The following BEND2 variants were observed in gnomAD, a reference collection of about 807,000 sequenced individuals.
BEND2 encodes the protein BEN domain containing 2.
In BEND2, 19 loss-of-function variants were observed where a neutral mutation model predicts 43.8. The observed-to-expected ratio is 0.43, with a 90% confidence interval of 0.30 to 0.64. The LOEUF is 0.64. Among genes scored for constraint, BEND2 ranks in the 30% least tolerant of loss-of-function variants. BEND2 has a pLI of 0.11. For missense variants in BEND2, 544 were observed against 574.0 expected, an observed-to-expected ratio of 0.95 and a Z score of 0.53; for synonymous variants, 226 against 210.1, an observed-to-expected ratio of 1.08 and a Z score of -0.66.
chrX:18,184,582 G>A (rs1468751702), intron 8 of BEND2, among the ~76,000 whole-genome samples: 1 of 112,176 alleles, frequency 8.9e-6, no homozygotes, highest in Non-Finnish European at 1.9e-5. Context: ...AAGAGCCACT[G>A]CATTACTGGA....
At chrX:18,214,393 T>C (rs948726901) in intron 2 of BEND2, among the ~76,000 whole-genome samples, 2 of 111,201 alleles carry the variant, frequency 1.8e-5, no homozygotes, top group African/African-American at 6.5e-5. Context: ...TGAAAGGGGG[T>C]GGATAGGATT....
At position 18,219,200 on chromosome X, in the gene BEND2, C is replaced by T. The variant is rs767087640; in HGVS notation, c.25+1526G>A. Among the ~76,000 whole-genome samples the T allele has an allele frequency of 7.1e-5, 8 of 112,414 alleles. No homozygotes were observed. In the East Asian group the frequency reaches 1.4e-3, roughly 20 times the overall value. ...GAGGCTCAAAAAGGCACCCAGCCCACGCCTCGCTTTAGAAAGCAAGGCGCA... is the reference window on the plus strand; with the variant it reads ...GAGGCTCAAAAAGGCACCCAGCCCATGCCTCGCTTTAGAAAGCAAGGCGCA... On this transcript the variant is annotated intron_variant, in intron 1 of 13. Coordinates refer to ENST00000380033, the MANE Select transcript of BEND2 (RefSeq NM_153346.5).
Position 18,174,202 on chromosome X carries a change from A to G in BEND2, c.1809T>C (p.Asp603=), listed in dbSNP as rs1361985271. 5.0e-6 allele frequency: 6 copies of G among 1,210,051 alleles called. No individual in the cohort carries two copies. In the South Asian group the frequency reaches 8.8e-5, roughly 18 times the overall value. Residue 603 remains aspartate (D), a synonymous_variant, in exon 12 of 14, where the codon GAT becomes GAC. Transcript: ENST00000380033. ...CATCTCTGCCCCTTTGGTCATTTCTATCTGCAGATGCCGATGCAACACGGT... is the reference window on the plus strand; with the variant it reads ...CATCTCTGCCCCTTTGGTCATTTCTGTCTGCAGATGCCGATGCAACACGGT... The part of the protein sequence containing the change: ...RTNRVASASA[D]RNDQRGRDGG...
intron 1 of BEND2, among the ~76,000 whole-genome samples, chrX:18,217,504 G>A (rs1301288212): frequency 1.8e-5 from 2 of 111,474 alleles, no homozygotes; most frequent in African/African-American, 6.5e-5. Flanking sequence ...TTTGAAAATG[G>A]TACTAAATTA....
At chrX:18,187,069 A>T (rs1356110972) in intron 8 of BEND2, among the ~76,000 whole-genome samples, 1 of 110,733 alleles carries the variant, frequency 9.0e-6, no homozygotes, top group East Asian at 2.8e-4. Flanking sequence ...GACAGGAAGG[A>T]AGGAAAGAAG....
chrX:18,220,046 G>C (rs1024015392), intron 1 of BEND2, among the ~76,000 whole-genome samples: 1 of 112,017 alleles, frequency 8.9e-6, no homozygotes, highest in Non-Finnish European at 1.9e-5. Flanking sequence ...GCTGAAAAAG[G>C]ATAAGCTCGT....
chrX:18,176,675 C>T (rs1181231574), intron 10 of BEND2, among the ~76,000 whole-genome samples: 4 of 109,318 alleles, frequency 3.7e-5, no homozygotes, highest in Non-Finnish European at 7.6e-5. Context: ...CAAGACCATG[C>T]GTCTGAAAAA....
At chrX:18,167,901 G>A (rs192913893) in intron 13 of BEND2, among the ~76,000 whole-genome samples, 22 of 112,324 alleles carry the variant, frequency 2.0e-4, no homozygotes, top group African/African-American at 6.5e-4. Context: ...TGACATTTTC[G>A]GCTGCATTAA....
At chrX:18,208,878 A>G (rs955289864) in intron 4 of BEND2, among the ~76,000 whole-genome samples, 1 of 111,627 alleles carries the variant, frequency 9.0e-6, no homozygotes, top group Non-Finnish European at 1.9e-5. Context: ...GGAGCAATGA[A>G]CACACCTAGT....
intron 13 of BEND2, chrX:18,170,796 A>G: frequency 2.7e-6 from 1 of 375,818 alleles, no homozygotes; most frequent in Non-Finnish European, 3.4e-6. Flanking sequence ...GCCATTCAAG[A>G]CAGAGCAATT....
At chrX:18,177,477 T>C in intron 10 of BEND2, 92 bp downstream of exon 10, 1 of 936,310 alleles carries the variant, frequency 1.1e-6, no homozygotes. Flanking sequence ...TTACACAGAC[T>C]TATTGTTATT....
intron 12 of BEND2, among the ~76,000 whole-genome samples, chrX:18,173,655 T>A (rs1924044103): frequency 1.8e-5 from 2 of 111,150 alleles, no homozygotes; most frequent in Non-Finnish European, 3.8e-5. Flanking sequence ...AGAGATGAGA[T>A]TCACGAATTC....
At position 18,180,589 on chromosome X, in the gene BEND2, T is replaced by C. The variant is rs770996707; in HGVS notation, c.1350A>G (p.Thr450=). 8.3e-7 allele frequency: 1 copy of C among 1,210,924 alleles called. No individual in the cohort carries two copies. The highest frequency in any genetic ancestry group is 1.1e-6 in the Non-Finnish European group (1 of 894,816). Residue 450 remains threonine (T), a synonymous_variant, in exon 9 of 14, where the codon ACA becomes ACG. Transcript: ENST00000380033. ...TGTCCAATAAAGTTGAGCGATTCAT[T>C]GTGTTGACGCTGTTTTCCGTGTTGG... ...VDTNTENSVN[T]MNRSTLLDSD...
chrX:18,177,470 C>T, intron 10 of BEND2, 99 bp downstream of exon 10: 4 of 891,919 alleles, frequency 4.5e-6, no homozygotes, highest in South Asian at 2.3e-5. Context: ...TTAAGATTTA[C>T]ACAGACTTAT....
chrX:18,200,502 C>CAAAAAAAAAAAAA (rs397895069), intron 6 of BEND2, among the ~76,000 whole-genome samples: 4 of 38,648 alleles, frequency 1.0e-4, no homozygotes, highest in Non-Finnish European at 4.8e-5. Flanking sequence ...GACTCTGTCT[C>CAAAAAAAAAAAAA]AAAAAAAAAA....
chrX:18,170,842 T>C (rs1474148534), intron 13 of BEND2, 159 bp downstream of exon 13: 5 of 974,484 alleles, frequency 5.1e-6, no homozygotes, highest in Non-Finnish European at 6.9e-6. Context: ...GAAATACAAT[T>C]CATGATCTTG....
rs923429002 is a variant in BEND2 at position 18,163,094 on chromosome X, T to A, written c.*1915A>T. 9 of 112,149 alleles carry A rather than the reference T, an allele frequency of 8.0e-5. No homozygotes were observed. Among genetic ancestry groups the A allele is most frequent in the African/African-American group, 2.9e-4 (9 of 30,855 alleles). 9.2% of individuals were successfully genotyped at this position (112,149 alleles called of 1,213,427 possible). ...TTGTGAAATTTTGAAGACACAATTTTGAAGACACAATTCCACTTTAACATA... is the reference window on the plus strand; with the variant it reads ...TTGTGAAATTTTGAAGACACAATTTAGAAGACACAATTCCACTTTAACATA... On this transcript the variant is annotated 3_prime_UTR_variant, in exon 14 of 14. Transcript: ENST00000380033.
intron 1 of BEND2, 48 bp from the exon 2 acceptor site, chrX:18,216,781 AAC>A: frequency 3.0e-6 from 3 of 990,506 alleles, no homozygotes; most frequent in Non-Finnish European, 4.2e-6. Flanking sequence ...ACATTAAATA[AAC>A]AGTTTCTTGA....
chrX:18,212,123 A>G (rs1273551302), intron 4 of BEND2, among the ~76,000 whole-genome samples: 1 of 83,940 alleles, frequency 1.2e-5, no homozygotes, highest in South Asian at 6.6e-4. Context: ...GAGACAGAGT[A>G]TTGTTCTGTC....
Sources: gnomAD v4.1 joint callset for allele counts (sites outside exome capture counted in the v4.1 genomes callset) on GRCh38, gnomAD v4.1.1 for gene constraint, MANE v1.5 for transcripts, NCBI Gene and HGNC (gene_info 2026-07-23, HGNC 2026-07-21) for gene names.